PNPLA7: variants seen among roughly 807,000 people sequenced by gnomAD.
The protein encoded by PNPLA7 is patatin like domain 7, lysophospholipase.
PNPLA7 carries 153 observed loss-of-function variants against 161.7 expected under a neutral mutation model. The ratio of observed to expected loss-of-function variants is 0.95; its 90% confidence interval spans 0.83 to 1.08. PNPLA7 has a LOEUF of 1.08. PNPLA7 is among the 50% of genes least tolerant of loss of function. The pLI, the probability that PNPLA7 is intolerant of heterozygous loss-of-function variation, is 0.00. For missense variants in PNPLA7, 1,739 were observed against 1,856.6 expected (o/e 0.94, Z 1.16); for synonymous variants, 809 against 782.1 (o/e 1.03, Z -0.57).
At chr9:137,503,607 AAGAAGGAGGAGGG>A (rs1416398945) in intron 14 of PNPLA7, among the ~76,000 whole-genome samples, 65 of 123,282 alleles carry the variant, frequency 5.3e-4, no homozygotes, top group South Asian at 5.2e-3. Flanking sequence ...GAGAAGGAGG[AAGAAGGAGGAGGG>A]AGAAGGAGGA....
At chr9:137,522,156 G>C (rs1368193599) in intron 9 of PNPLA7, among the ~76,000 whole-genome samples, 2 of 152,306 alleles carry the variant, frequency 1.3e-5, no homozygotes, top group South Asian at 2.1e-4. Flanking sequence ...CTCACTGCAA[G>C]CTCCGCCTCC....
At chr9:137,505,512 A>C (rs1564328029) in intron 14 of PNPLA7, 102 bp downstream of exon 14, 1 of 1,390,366 alleles carries the variant, frequency 7.2e-7, no homozygotes. Flanking sequence ...CCTCCTTTGC[A>C]GCCACTGTCC....
chr9:137,547,468 AC>A lies in PNPLA7; in HGVS notation c.106-73del. On this transcript the variant is annotated intron_variant, in intron 2 of 34. Coordinates refer to ENST00000406427, the MANE Select transcript of PNPLA7 (RefSeq NM_001098537.3). The surrounding 1 kb of genome is among the most constrained non-coding windows in gnomAD (Gnocchi z 4.6). ...TAACCCTAGCCCTAAGCCTGCCCCC[AC>A]CCCTGGCTGCCCAACCACAGGCTGG... The A allele has an allele frequency of 6.3e-7, 1 of 1,595,244 alleles. No individual in the cohort carries two copies.
intron 11 of PNPLA7, among the ~76,000 whole-genome samples, chr9:137,518,321 C>T (rs1020671542): frequency 8.0e-6 from 1 of 125,392 alleles, no homozygotes; most frequent in Admixed American, 7.4e-5. Flanking sequence ...CCACTCCATC[C>T]CCCACTCACT....
At chr9:137,480,781 GC>G in intron 22 of PNPLA7, 178 bp downstream of exon 22, 1 of 807,050 alleles carries the variant, frequency 1.2e-6, no homozygotes, top group Non-Finnish European at 1.9e-6. Context: ...ACAGTGCCCA[GC>G]AGGTCAGCGC....
chr9:137,512,807 A>C (rs1157202586), intron 12 of PNPLA7, among the ~76,000 whole-genome samples: 1 of 147,668 alleles, frequency 6.8e-6, no homozygotes, highest in Non-Finnish European at 1.5e-5. Context: ...AGAAAATACA[A>C]AAAAAAAAAA....
In PNPLA7 at chr9:137,513,320, G is replaced by A. The variant is rs1002391022; in HGVS notation, c.1225+2059C>T. 4.6e-5 allele frequency among the ~76,000 whole-genome samples: 7 copies of A among 151,866 alleles called. No homozygotes were observed. In the East Asian group the frequency reaches 1.2e-3, roughly 25 times the overall value. Reference sequence around the variant, plus strand: ...AGCCTGGCCAACATGGGGAAACCCCGTCTCTACTAAAAATACAAAATTAGC... The same window carrying A: ...AGCCTGGCCAACATGGGGAAACCCCATCTCTACTAAAAATACAAAATTAGC... On this transcript the variant is annotated intron_variant, in intron 12 of 34. Transcript: ENST00000406427.
chr9:137,550,331 G>T lies in PNPLA7; in HGVS notation c.-134C>A. 1.0e-6 allele frequency: 1 copy of T among 970,614 alleles called. No homozygotes were observed. The highest frequency in any genetic ancestry group is 1.6e-6 in the Non-Finnish European group (1 of 614,244). 60.1% of individuals were successfully genotyped at this position (970,614 alleles called of 1,614,324 possible). On this transcript the variant is annotated 5_prime_UTR_variant, in exon 1 of 35. Transcript: ENST00000406427. ...CTTTCAAGTCAAATTATGTTTCACT[G>T]AAAGGAAAATCCTGCTGAAAAAGTC... is the stretch of plus-strand genomic sequence containing the variant.
In PNPLA7 at chr9:137,462,748, C is replaced by A. The variant is rs773591065; in HGVS notation, c.3429G>T (p.Gly1143=). The change falls in exon 30 of 35, where the codon GGG becomes GGT. Residue 1143 remains glycine (G), a synonymous_variant. Transcript: ENST00000406427. The part of the protein sequence containing the change: ...SRDETDLTNY[G]DALSGWWLLW... ...GCAGCCACCACCCAGACAGCGCATCCCCATAGTTGGTGAGGTCCGTCTCAT... is the reference window on the plus strand; with the variant it reads ...GCAGCCACCACCCAGACAGCGCATCACCATAGTTGGTGAGGTCCGTCTCAT... 1 of 1,614,034 alleles carries A rather than the reference C, an allele frequency of 6.2e-7. No individual in the cohort carries two copies. The highest frequency in any genetic ancestry group is 1.7e-5 in the Admixed American group (1 of 60,012).
In PNPLA7 at chr9:137,540,473, T is replaced by A. The variant is rs931171466; in HGVS notation, c.747+169A>T. On this transcript the variant is annotated intron_variant, in intron 8 of 34. Coordinates refer to ENST00000406427, the MANE Select transcript of PNPLA7 (RefSeq NM_001098537.3). This position sits in a 1 kb window ranked among gnomAD's most constrained non-coding sequence, Gnocchi z 5.1. ...ATTCTTCAACGCACTGTGGCCAGAATGAAGCTCCCTCCTCTTTCTTCCCTC... is the reference window on the plus strand; with the variant it reads ...ATTCTTCAACGCACTGTGGCCAGAAAGAAGCTCCCTCCTCTTTCTTCCCTC... 2.0e-4 allele frequency among the ~76,000 whole-genome samples: 31 copies of A among 152,364 alleles called. No homozygotes were observed. The highest frequency in any genetic ancestry group is 3.4e-4 in the Non-Finnish European group (23 of 68,034).
At chr9:137,478,520 G>A (rs548833068) in intron 24 of PNPLA7, 22 of 200,216 alleles carry the variant, frequency 1.1e-4, no homozygotes, top group Non-Finnish European at 1.8e-4. Context: ...TTTCTGGACA[G>A]AGCTGTGGGC....
Position 137,506,028 on chromosome 9 carries a change from G to C in PNPLA7, c.1281C>G (p.Val427=), listed in dbSNP as rs549972868. The change falls in exon 13 of 35, where the codon GTC becomes GTG. Residue 427 remains valine (V), a synonymous_variant. Coordinates refer to ENST00000406427, the MANE Select transcript of PNPLA7 (RefSeq NM_001098537.3). ...DLGMACDRAR[V]FLHSDEHPGS... is the part of the protein sequence containing the mutation. ...CGGGGTGCTCGTCCGAGTGCAGGAA[G>C]ACCCTGGCACGGTCACATGCCATCC... is the stretch of plus-strand genomic sequence containing the variant. The C allele has an allele frequency of 2.9e-5, 46 of 1,613,132 alleles. 1 individual carries two copies. The South Asian group carries it at 4.8e-4, about 17-fold the overall frequency.
rs1833255576 is a variant in PNPLA7, at chr9:137,499,407, C to T, written c.1758-1162G>A. On this transcript the variant is annotated intron_variant, in intron 16 of 34. Transcript: ENST00000406427. This position sits in a 1 kb window ranked among gnomAD's most constrained non-coding sequence, Gnocchi z 5.5. The stretch of plus-strand genomic sequence containing the variant: ...ACTGAGCTGCATTAAGGCTGAGGGC[C>T]CTGAGCTCTGCCCTGGGTGGTTCCT... 6.6e-6 allele frequency among the ~76,000 whole-genome samples: 1 copy of T among 152,196 alleles called. No individual in the cohort carries two copies. The highest frequency in any genetic ancestry group is 6.5e-5 in the Admixed American group (1 of 15,290).
chr9:137,535,609 TGGGCATGGTGGTG>T (rs952804955), intron 8 of PNPLA7, among the ~76,000 whole-genome samples: 7 of 150,854 alleles, frequency 4.6e-5, no homozygotes, highest in African/African-American at 1.7e-4. Flanking sequence ...AAAAATTAGC[TGGGCATGGTGGTG>T]GGCACCTGTA....
chr9:137,466,967 C>A (rs1033331462), intron 26 of PNPLA7, among the ~76,000 whole-genome samples: 1 of 149,532 alleles, frequency 6.7e-6, no homozygotes, highest in African/African-American at 2.5e-5. Flanking sequence ...CGGATCAGAC[C>A]GCCTCCCACC....
intron 12 of PNPLA7, among the ~76,000 whole-genome samples, chr9:137,513,219 C>A: frequency 6.6e-6 from 1 of 151,908 alleles, no homozygotes; most frequent in Non-Finnish European, 1.5e-5. Flanking sequence ...AGGCCGGGTG[C>A]GGTGGCTCAG....
intron 8 of PNPLA7, among the ~76,000 whole-genome samples, chr9:137,527,530 T>A (rs1328414985): frequency 2.0e-5 from 3 of 152,230 alleles, no homozygotes; most frequent in Non-Finnish European, 4.4e-5. Flanking sequence ...TTTTCTTCTT[T>A]AGTCTGTCAA....
intron 29 of PNPLA7, 47 bp downstream of exon 29, chr9:137,463,368 C>G (rs748421519): frequency 5.3e-6 from 8 of 1,508,404 alleles, no homozygotes; most frequent in Middle Eastern, 3.6e-4. Context: ...GGCGGCGTGA[C>G]CCAGGAGCCT....
intron 12 of PNPLA7, 43 bp downstream of exon 12, chr9:137,515,336 G>T: frequency 4.4e-6 from 7 of 1,584,380 alleles, no homozygotes; most frequent in Non-Finnish European, 6.0e-6. Flanking sequence ...GATGCCGAGG[G>T]CCTGTGGGTC....
Sources: gnomAD v4.1 joint callset for allele counts (sites outside exome capture counted in the v4.1 genomes callset) on GRCh38, gnomAD v4.1.1 for gene constraint, Gnocchi (gnomAD v3.1) non-coding constraint, MANE v1.5 for transcripts, NCBI Gene and HGNC (gene_info 2026-07-23, HGNC 2026-07-21) for gene names.